Variants in CABLES1 observed in about 807,000 individuals in gnomAD.
The protein encoded by CABLES1 is Cdk5 and Abl enzyme substrate 1, also known as CDK5 and ABL1 enzyme substrate 1.
A neutral mutation model predicts 57.8 loss-of-function variants in CABLES1; 36 were observed. The observed-to-expected ratio is 0.62, with a 90% confidence interval of 0.48 to 0.82. The LOEUF is 0.82. Among genes scored for constraint, CABLES1 ranks in the 40% least tolerant of loss-of-function variants. CABLES1 has a pLI of 0.00. For missense variants in CABLES1, 767 were observed against 836.6 expected (o/e 0.92, Z 1.03); for synonymous variants, 374 against 363.0 (o/e 1.03, Z -0.35).
chr18:23,207,116 C>T (rs1471563690), intron 3 of CABLES1, among the ~76,000 whole-genome samples: 7 of 152,182 alleles, frequency 4.6e-5, no homozygotes, highest in Non-Finnish European at 8.8e-5. Context: ...CAGCAGTGCA[C>T]AGTCTTTAAT....
intron 7 of CABLES1, among the ~76,000 whole-genome samples, chr18:23,250,777 G>C (rs1243572129): frequency 1.3e-5 from 2 of 152,222 alleles, no homozygotes; most frequent in African/African-American, 4.8e-5. Context: ...AGAGGAGGAA[G>C]AAGTGGCATT....
At chr18:23,191,080 C>CA (rs10636287) in intron 2 of CABLES1, among the ~76,000 whole-genome samples, 6,582 of 63,416 alleles carry the variant, frequency 0.1, 261 homozygotes, top group Non-Finnish European at 0.12. Flanking sequence ...CCCATCTCTA[C>CA]AAAAAAAAAA....
At chr18:23,155,773 C>T in intron 1 of CABLES1, 1 of 1,490,640 alleles carries the variant, frequency 6.7e-7, no homozygotes, top group Non-Finnish European at 8.9e-7. Context: ...AAGAAAATGG[C>T]TTTTCATTTT....
At chr18:23,149,131 T>C (rs368164257) in intron 1 of CABLES1, among the ~76,000 whole-genome samples, 1 of 152,162 alleles carries the variant, frequency 6.6e-6, no homozygotes, top group East Asian at 1.9e-4. Context: ...TGATCTCAGG[T>C]GATCCACCTG....
chr18:23,247,845 C>T (rs34379118), intron 7 of CABLES1, among the ~76,000 whole-genome samples: 29,566 of 152,224 alleles, frequency 0.19, 3,616 homozygotes, highest in Non-Finnish European at 0.27. Flanking sequence ...TGGAGAGCCT[C>T]GTCCTCCTGG....
At chr18:23,242,416 G>A (rs986727887) in intron 7 of CABLES1, among the ~76,000 whole-genome samples, 7 of 152,192 alleles carry the variant, frequency 4.6e-5, no homozygotes, top group African/African-American at 1.7e-4. Flanking sequence ...GCTGGGTGAT[G>A]GTGTGTCTCA....
chr18:23,221,633 G>A (rs780036420), intron 4 of CABLES1, among the ~76,000 whole-genome samples: 5 of 152,188 alleles, frequency 3.3e-5, no homozygotes, highest in East Asian at 1.9e-4. Flanking sequence ...TGCTGTTGAC[G>A]CTGCCATCTG....
chr18:23,233,792 G>T (rs1172391188), intron 4 of CABLES1, among the ~76,000 whole-genome samples: 1 of 152,182 alleles, frequency 6.6e-6, no homozygotes, highest in African/African-American at 2.4e-5. Context: ...TAGGTGGTCT[G>T]TCAAGGTAGA....
intron 1 of CABLES1, among the ~76,000 whole-genome samples, chr18:23,150,137 A>C (rs9653011): frequency 0.03 from 4,390 of 146,674 alleles, 152 homozygotes; most frequent in African/African-American, 0.087. Context: ...TCTGGGGTAT[A>C]TGTTCCCTCA....
chr18:23,208,281 A>C (rs905241213), intron 3 of CABLES1, among the ~76,000 whole-genome samples: 1 of 152,232 alleles, frequency 6.6e-6, no homozygotes, highest in African/African-American at 2.4e-5. Flanking sequence ...GATGAGGCAC[A>C]TCCAACAGTG....
chr18:23,159,777 A>C (rs1417309152), intron 1 of CABLES1, among the ~76,000 whole-genome samples: 2 of 152,238 alleles, frequency 1.3e-5, no homozygotes, highest in Non-Finnish European at 2.9e-5. Flanking sequence ...CTGTTGCAGA[A>C]GCTCTTTATA....
intron 7 of CABLES1, among the ~76,000 whole-genome samples, chr18:23,250,924 G>C (rs779149061): frequency 6.6e-6 from 1 of 152,190 alleles, no homozygotes; most frequent in Non-Finnish European, 1.5e-5. Context: ...TCACTTGAAC[G>C]GGGATGTGCT....
At chr18:23,213,180 CGAAA>C (rs1445261661) in intron 3 of CABLES1, among the ~76,000 whole-genome samples, 2 of 152,098 alleles carry the variant, frequency 1.3e-5, no homozygotes, top group Non-Finnish European at 2.9e-5. Flanking sequence ...TTATGGTTGT[CGAAA>C]GAAAGGATGA....
intron 7 of CABLES1, among the ~76,000 whole-genome samples, chr18:23,246,646 C>G (rs1354631332): frequency 6.6e-6 from 1 of 151,680 alleles, no homozygotes; most frequent in African/African-American, 2.4e-5. Context: ...CCACCTTGGC[C>G]TCCCAAAGTG....
intron 3 of CABLES1, 65 bp from the exon 4 acceptor site, chr18:23,213,912 T>A: frequency 9.2e-7 from 1 of 1,087,436 alleles, no homozygotes. Context: ...GCTATAGATT[T>A]TGTTTTTTAG....
At chr18:23,250,261 C>A (rs978348209) in intron 7 of CABLES1, among the ~76,000 whole-genome samples, 1 of 152,214 alleles carries the variant, frequency 6.6e-6, no homozygotes, top group Non-Finnish European at 1.5e-5. Flanking sequence ...AGCCTGCTCA[C>A]ATCATTGCAA....
Position 23,252,979 on chromosome 18 carries a change from T to G in CABLES1, c.1466T>G (p.Val489Gly). Residue 489 changes from valine (V) to glycine (G), a missense_variant, in exon 8 of 10, where the codon GTG (valine) becomes GGG (glycine). Transcript: ENST00000256925. The part of the protein sequence containing the change: ...PSYMTTVIDY[V>G]KPSDLKKDMN... ...TTACAGACAACAGTGATTGACTACG[T>G]GAAGCCCTCGGATCTCAAGAAGGAC... The G allele has an allele frequency of 6.2e-7, 1 of 1,612,878 alleles. No homozygotes were observed. Among genetic ancestry groups the G allele is most frequent in the East Asian group, 2.2e-5 (1 of 44,860 alleles).
intron 3 of CABLES1, among the ~76,000 whole-genome samples, chr18:23,196,628 G>T (rs2047284883): frequency 6.6e-6 from 1 of 152,244 alleles, no homozygotes; most frequent in African/African-American, 2.4e-5. Context: ...GCTGGAGGCA[G>T]CCGGGGCGTT....
intron 1 of CABLES1, among the ~76,000 whole-genome samples, chr18:23,148,467 G>C (rs931260337): frequency 6.6e-6 from 1 of 152,300 alleles, no homozygotes; most frequent in Non-Finnish European, 1.5e-5. Context: ...TGGTTAAACA[G>C]AGTTGGGTCT....
Sources: gnomAD v4.1 joint callset for allele counts (sites outside exome capture counted in the v4.1 genomes callset) on GRCh38, gnomAD v4.1.1 for gene constraint, MANE v1.5 for transcripts, NCBI Gene and HGNC (gene_info 2026-07-23, HGNC 2026-07-21) for gene names.